The following RFT1 variants were observed in gnomAD, a reference collection of about 807,000 sequenced individuals.
RFT1 encodes the protein RFT1 glycolipid translocator homolog.
In RFT1, 43 loss-of-function variants were observed where a neutral mutation model predicts 62.2. The ratio of observed to expected loss-of-function variants is 0.69; its 90% confidence interval spans 0.54 to 0.89. The LOEUF (loss-of-function observed/expected upper bound fraction) is 0.89, where lower values mean the gene tolerates loss of function less well. Among genes scored for constraint, RFT1 ranks in the 40% least tolerant of loss-of-function variants. The probability of loss-of-function intolerance (pLI) is 0.00; values close to 1 mark genes in which losing one functional copy is unlikely to be tolerated. For synonymous variants in RFT1, 262 were observed against 264.6 expected (o/e 0.99, Z 0.10); for missense variants, 605 against 649.9 (o/e 0.93, Z 0.75).
At chr3:53,107,657 C>CAG (rs1415436395) in intron 7 of RFT1, among the ~76,000 whole-genome samples, 3 of 150,840 alleles carry the variant, frequency 2.0e-5, no homozygotes, top group Admixed American at 6.6e-5. Flanking sequence ...ATCATGAACT[C>CAG]ACGTCTGAGT....
intron 9 of RFT1, 144 bp from the exon 10 acceptor site, chr3:53,104,241 G>A (rs1319127336): frequency 2.4e-6 from 2 of 817,306 alleles, no homozygotes; most frequent in South Asian, 1.8e-5. Flanking sequence ...TTTGTAGTGT[G>A]TTTGTTTTCA....
intron 10 of RFT1, among the ~76,000 whole-genome samples, chr3:53,102,312 A>G (rs919135045): frequency 1.3e-5 from 2 of 152,230 alleles, no homozygotes; most frequent in African/African-American, 4.8e-5. Flanking sequence ...CTGACGGACA[A>G]TATGTTCTGT....
the RFT1 span, among the ~76,000 whole-genome samples, chr3:53,080,079 C>T: frequency 2.6e-5 from 4 of 152,114 alleles, no homozygotes; most frequent in African/African-American, 9.7e-5. Flanking sequence ...GCCACAGCAG[C>T]TGTCCCTCCC....
intron 7 of RFT1, among the ~76,000 whole-genome samples, chr3:53,107,159 G>A (rs534044569): frequency 4.2e-5 from 6 of 141,682 alleles, no homozygotes; most frequent in Non-Finnish European, 6.1e-5. Context: ...TTTTTGAGAC[G>A]GAGTCTCGCT....
chr3:53,082,835 C>T, the RFT1 span, among the ~76,000 whole-genome samples: 67,945 of 151,928 alleles, frequency 0.45, 16,768 homozygotes, highest in East Asian at 0.73. Context: ...AAGGCATGGA[C>T]GCAACATGCT....
chr3:53,067,401 C>T, the RFT1 span, among the ~76,000 whole-genome samples: 1 of 152,196 alleles, frequency 6.6e-6, no homozygotes, highest in African/African-American at 2.4e-5. Flanking sequence ...AGGCCACACA[C>T]AGAAGAAAAC....
chr3:53,119,680 C>T (rs1329460364), intron 6 of RFT1, among the ~76,000 whole-genome samples: 3 of 152,060 alleles, frequency 2.0e-5, no homozygotes, highest in Admixed American at 6.5e-5. Context: ...ACAGGACAGC[C>T]CCTACAACAA....
At chr3:53,092,228 T>G in intron 12 of RFT1, 141 bp downstream of exon 12, 8 of 1,423,432 alleles carry the variant, frequency 5.6e-6, no homozygotes, top group Non-Finnish European at 7.7e-6. Flanking sequence ...CAACATTCTC[T>G]TGTCACATTA....
intron 7 of RFT1, among the ~76,000 whole-genome samples, 164 bp from the exon 8 acceptor site, chr3:53,107,033 C>T (rs144975769): frequency 6.6e-6 from 1 of 151,854 alleles, no homozygotes; most frequent in African/African-American, 2.4e-5. Context: ...CAAATAATCT[C>T]AGAGTAACAA....
intron 7 of RFT1, among the ~76,000 whole-genome samples, chr3:53,107,106 A>C (rs988954588): frequency 6.6e-6 from 1 of 151,372 alleles, no homozygotes; most frequent in Non-Finnish European, 1.5e-5. Flanking sequence ...TACAAATAAA[A>C]AAAAATAAAA....
intron 1 of RFT1, among the ~76,000 whole-genome samples, chr3:53,128,996 C>T (rs1702187004): frequency 6.6e-6 from 1 of 152,016 alleles, no homozygotes; most frequent in East Asian, 1.9e-4. Flanking sequence ...GTGTGTTTTC[C>T]GTTATAACTT....
chr3:53,098,991 T>C (rs1039683906), intron 11 of RFT1, among the ~76,000 whole-genome samples: 1 of 151,592 alleles, frequency 6.6e-6, no homozygotes, highest in African/African-American at 2.4e-5. Flanking sequence ...TTCTCAGGGG[T>C]AGGAATGTGC....
At chr3:53,108,142 A>G (rs975700256) in intron 7 of RFT1, among the ~76,000 whole-genome samples, 3 of 151,886 alleles carry the variant, frequency 2.0e-5, no homozygotes, top group Admixed American at 1.3e-4. Context: ...TCTGCCTCCC[A>G]GACATAAGAG....
At chr3:53,080,094 C>A in the RFT1 span, among the ~76,000 whole-genome samples, 1 of 152,260 alleles carries the variant, frequency 6.6e-6, no homozygotes, top group Non-Finnish European at 1.5e-5. Flanking sequence ...CCTCCCTGGA[C>A]AAAGCCACCT....
At chr3:53,092,284 C>T in intron 12 of RFT1, 85 bp downstream of exon 12, 2 of 1,549,594 alleles carry the variant, frequency 1.3e-6, no homozygotes, top group Non-Finnish European at 8.7e-7. Context: ...CAGGAGGAGG[C>T]AAAAACCTGG....
intron 11 of RFT1, among the ~76,000 whole-genome samples, 195 bp from the exon 12 acceptor site, chr3:53,092,813 A>AGGT (rs1701036019): frequency 6.6e-6 from 1 of 152,254 alleles, no homozygotes; most frequent in African/African-American, 2.4e-5. Context: ...GGTAAGAAAC[A>AGGT]ACTCAGGAGA....
intron 1 of RFT1, 96 bp downstream of exon 1, chr3:53,130,242 T>A (rs1702224895): frequency 3.2e-6 from 4 of 1,258,448 alleles, no homozygotes; most frequent in Non-Finnish European, 3.4e-6. Flanking sequence ...ACCTCGGGAC[T>A]GGGTCGGCCC....
rs1356972235 is a variant in RFT1, at chr3:53,088,787, T to C, written c.*3116A>G. 6.5e-6 allele frequency: 1 copy of C among 152,940 alleles called. No individual in the cohort carries two copies. The highest frequency in any genetic ancestry group is 1.5e-5 in the Non-Finnish European group (1 of 68,814). 9.5% of individuals were successfully genotyped at this position (152,940 alleles called of 1,614,324 possible). On this transcript the variant is annotated 3_prime_UTR_variant, in exon 13 of 13. Coordinates refer to ENST00000296292, the MANE Select transcript of RFT1 (RefSeq NM_052859.4). The stretch of plus-strand genomic sequence containing the variant: ...AGTTTGAGGCTGCAATGAGCTATGA[T>C]GACACCACTGCACTCCAGCCTGGGC...
At chr3:53,112,037 T>C (rs1348012652) in intron 6 of RFT1, 129 bp from the exon 7 acceptor site, 8 of 755,020 alleles carry the variant, frequency 1.1e-5, no homozygotes, top group East Asian at 1.0e-4. Flanking sequence ...TGAATCCTCA[T>C]CCAATGCTAA....
Sources: allele counts gnomAD v4.1 joint callset (sites outside exome capture counted in the v4.1 genomes callset), GRCh38; gene constraint gnomAD v4.1.1; transcripts MANE v1.5; gene names NCBI Gene and HGNC (gene_info 2026-07-23, HGNC 2026-07-21).